Variants in MYBL1 observed in about 807,000 individuals in gnomAD.
MYBL1 encodes the protein myb-related protein A.
In MYBL1, 17 loss-of-function variants were observed where a neutral mutation model predicts 96.3. The ratio of observed to expected loss-of-function variants is 0.18; its 90% CI spans 0.12 to 0.26. The LOEUF (loss-of-function observed/expected upper bound fraction) is 0.26. MYBL1 is among the 10% of genes least tolerant of loss of function. The probability of loss-of-function intolerance (pLI) is 1.00; values close to 1 mark genes in which losing one functional copy is unlikely to be tolerated. For missense variants in MYBL1, 701 were observed against 882.9 expected, an observed-to-expected ratio of 0.79 and a Z score of 2.61; for synonymous variants, 282 against 292.7, an observed-to-expected ratio of 0.96 and a Z score of 0.37.
intron 10 of MYBL1, 113 bp from the exon 11 acceptor site, chr8:66,573,619 T>C (rs914265976): frequency 1.1e-4 from 104 of 946,124 alleles, no homozygotes; most frequent in Non-Finnish European, 1.5e-4. Context: ...AAAAAGCTTA[T>C]GAATAATATT....
intron 11 of MYBL1, among the ~76,000 whole-genome samples, chr8:66,573,147 G>A (rs183472926): frequency 7.3e-4 from 110 of 151,682 alleles, no homozygotes; most frequent in Admixed American, 1.7e-3. Flanking sequence ...CCGGGAGGCA[G>A]AGGTTGCAGT....
At chr8:66,608,498 A>T (rs1013993686) in intron 1 of MYBL1, among the ~76,000 whole-genome samples, 1 of 152,174 alleles carries the variant, frequency 6.6e-6, no homozygotes, top group Non-Finnish European at 1.5e-5. Flanking sequence ...ACCAAAAAAA[A>T]GATCCTAGAT....
chr8:66,578,604 G>A (rs1809067999), intron 9 of MYBL1, among the ~76,000 whole-genome samples: 1 of 152,078 alleles, frequency 6.6e-6, no homozygotes, highest in Non-Finnish European at 1.5e-5. Flanking sequence ...AGGATGTGGA[G>A]AAATAGGAAC....
chr8:66,579,636 G>A (rs1256106743), intron 9 of MYBL1, among the ~76,000 whole-genome samples: 1 of 149,248 alleles, frequency 6.7e-6, no homozygotes, highest in Non-Finnish European at 1.5e-5. Flanking sequence ...CAGCCTGGGC[G>A]ACAGAGTGAG....
At chr8:66,599,280 T>G in intron 3 of MYBL1, 138 bp from the exon 4 acceptor site, 1 of 511,766 alleles carries the variant, frequency 2.0e-6, no homozygotes, top group Non-Finnish European at 3.4e-6. Flanking sequence ...ATGTAACATT[T>G]ATGTTACATA....
At chr8:66,589,174 CT>C (rs1015966693) in intron 8 of MYBL1, among the ~76,000 whole-genome samples, 1 of 152,072 alleles carries the variant, frequency 6.6e-6, no homozygotes, top group African/African-American at 2.4e-5. Context: ...AACTTTCTTC[CT>C]TTTTAATGCA....
chr8:66,566,608 C>A, intron 14 of MYBL1, 76 bp downstream of exon 14: 2 of 961,000 alleles, frequency 2.1e-6, no homozygotes. Context: ...ACTGGCTACA[C>A]AATGAGTAAG....
chr8:66,584,434 C>G (rs1321978870), intron 8 of MYBL1, among the ~76,000 whole-genome samples: 1 of 152,144 alleles, frequency 6.6e-6, no homozygotes, highest in African/African-American at 2.4e-5. Flanking sequence ...CAAACTGTCC[C>G]CATTTGCAGA....
intron 12 of MYBL1, among the ~76,000 whole-genome samples, chr8:66,571,196 C>T (rs1184494668): frequency 1.3e-5 from 2 of 152,166 alleles, no homozygotes; most frequent in African/African-American, 4.8e-5. Flanking sequence ...AAATGCCCAT[C>T]ACTGTTCCAA....
rs924348037 is a variant in MYBL1, at chr8:66,566,151, T to G, written c.2043A>C (p.Ile681=). 15 of 1,540,094 alleles carry G rather than the reference T, an allele frequency of 9.7e-6. No individual in the cohort carries two copies. The highest frequency in any genetic ancestry group is 1.1e-5 in the Non-Finnish European group (13 of 1,135,904). The part of the protein sequence containing the change: ...RCNLIPEKQD[I]NSTNKTYTLT... ...GTGTATATGTTTTGTTGGTTGAATT[T>G]ATATCTTGTTTTTCAGGAATCAAGT... Residue 681 remains isoleucine (I), a synonymous_variant, in exon 15 of 16, where the codon ATA becomes ATC. Transcript: ENST00000522677.
chr8:66,613,011 G>T lies in MYBL1; in HGVS notation c.-173C>A. On this transcript the variant is annotated 5_prime_UTR_variant, in exon 1 of 16. Coordinates refer to ENST00000522677, the MANE Select transcript of MYBL1 (RefSeq NM_001080416.4). ...GGCAGGACGGAGGGACAGCGGGGGC[G>T]GACCGCGACCCGACCCCGACCCCGG... The T allele has an allele frequency of 1.4e-6, 1 of 722,252 alleles. No individual in the cohort carries two copies. The highest frequency in any genetic ancestry group is 1.9e-6 in the Non-Finnish European group (1 of 514,712). The allele number at this position is 722,252 out of a possible 1,614,324, so 44.7% of individuals were successfully genotyped here.
rs1347662107 is a variant in MYBL1, at chr8:66,562,298, A to T, written c.*2399T>A. 6.6e-6 allele frequency: 1 copy of T among 152,668 alleles called. No homozygotes were observed. Among genetic ancestry groups the T allele is most frequent in the Admixed American group, 6.5e-5 (1 of 15,282 alleles). 9.5% of individuals were successfully genotyped at this position (152,668 alleles called of 1,614,324 possible). A position where few individuals can be genotyped will look rare whatever the true frequency, so the allele number is the denominator to read the frequency against. On this transcript the variant is annotated 3_prime_UTR_variant, in exon 16 of 16. Coordinates refer to ENST00000522677, the MANE Select transcript of MYBL1 (RefSeq NM_001080416.4). ...TTTAGTCAGGGTAATTGCTGTATTAATGTGAAAACCTTACAATAAAATGCA... is the reference window on the plus strand; with the variant it reads ...TTTAGTCAGGGTAATTGCTGTATTATTGTGAAAACCTTACAATAAAATGCA...
chr8:66,576,303 G>C lies in MYBL1; in HGVS notation c.1174C>G (p.Pro392Ala). The part of the protein sequence containing the change: ...DAAASPIKST[P>A]VKLMRIQHNE... ...TGCTGAATTCTCATTAATTTAACTG[G>C]GGTGGATTTGATAGGAGAAGCAGCA... The change falls in exon 10 of 16, where the codon CCA becomes GCA. Residue 392 changes from proline to alanine, a missense_variant. Physicochemically the swap from Pro to Ala is conservative, Grantham distance 27 (BLOSUM62 -1). Transcript: ENST00000522677. 3.1e-6 allele frequency: 5 copies of C among 1,613,886 alleles called. No individual in the cohort carries two copies. Among genetic ancestry groups the C allele is most frequent in the Non-Finnish European group, 4.2e-6 (5 of 1,179,838 alleles).
chr8:66,609,875 C>A (rs550193970), intron 1 of MYBL1, among the ~76,000 whole-genome samples: 27 of 152,076 alleles, frequency 1.8e-4, no homozygotes, highest in African/African-American at 5.5e-4. Context: ...CAGTTAATGA[C>A]AAAACCGATT....
chr8:66,580,287 T>A lies in MYBL1; in HGVS notation c.947A>T (p.Glu316Val), dbSNP rs1283259303. Reference protein sequence around the residue: ...NMSNTLNSLDEHTSEFYSMDE... With the variant: ...NMSNTLNSLDVHTSEFYSMDE... ...CATACTGTAAAACTCACTAGTGTGC[T>A]CGTCAAGGCTATTTAGAGTATTAGA... The change falls in exon 9 of 16, where the codon GAG becomes GTG. Residue 316 changes from glutamate (E) to valine (V), a missense_variant. Glu to Val is a moderately radical substitution (Grantham distance 121, BLOSUM62 -2). Coordinates refer to ENST00000522677, the MANE Select transcript of MYBL1 (RefSeq NM_001080416.4). 6.2e-7 allele frequency: 1 copy of A among 1,613,868 alleles called. No homozygotes were observed. Among genetic ancestry groups the A allele is most frequent in the Admixed American group, 1.7e-5 (1 of 59,986 alleles).
At chr8:66,572,643 A>C in intron 11 of MYBL1, 47 bp from the exon 12 acceptor site, 3 of 944,010 alleles carry the variant, frequency 3.2e-6, no homozygotes, top group Non-Finnish European at 4.7e-6. Context: ...ATCTGATTTC[A>C]TACAAGTTAA....
At chr8:66,567,051 A>G in intron 12 of MYBL1, 59 bp from the exon 13 acceptor site, 1 of 1,119,302 alleles carries the variant, frequency 8.9e-7, no homozygotes, top group Non-Finnish European at 1.3e-6. Flanking sequence ...TTTTCTCCCT[A>G]TATATAGGAA....
At chr8:66,566,500 T>C (rs1424417134) in intron 14 of MYBL1, among the ~76,000 whole-genome samples, 184 bp downstream of exon 14, 3 of 151,678 alleles carry the variant, frequency 2.0e-5, no homozygotes, top group Non-Finnish European at 2.9e-5. Context: ...AAAAGAAATA[T>C]AAAAAAAAGT....
intron 9 of MYBL1, among the ~76,000 whole-genome samples, chr8:66,578,064 T>C (rs1419321205): frequency 6.6e-6 from 1 of 152,114 alleles, no homozygotes; most frequent in Non-Finnish European, 1.5e-5. Context: ...CCTTACACCT[T>C]ATACAAAAAT....
Sources: gnomAD v4.1 joint callset for allele counts (sites outside exome capture counted in the v4.1 genomes callset) on GRCh38, gnomAD v4.1.1 for gene constraint, MANE v1.5 for transcripts, NCBI Gene and HGNC (gene_info 2026-07-23, HGNC 2026-07-21) for gene names.